CPNE4: variants seen among roughly 807,000 people sequenced by gnomAD.
CPNE4 encodes the protein copine 4, also known as copine-4.
Under a neutral mutation model 67.9 loss-of-function variants are expected in CPNE4, and 25 were observed. The ratio of observed to expected loss-of-function variants is 0.37; its 90% CI spans 0.27 to 0.51. The LOEUF is 0.51. CPNE4 is among the 20% of genes least tolerant of loss of function. The probability of loss-of-function intolerance (pLI) is 0.93; values close to 1 mark genes in which losing one functional copy is unlikely to be tolerated. For missense variants in CPNE4, 464 were observed against 690.8 expected (o/e 0.67, Z 3.68); for synonymous variants, 242 against 244.9 (o/e 0.99, Z 0.11).
chr3:131,918,588 CA>C (rs1198671569), intron 1 of CPNE4, among the ~76,000 whole-genome samples: 2 of 151,592 alleles, frequency 1.3e-5, no homozygotes, highest in African/African-American at 4.8e-5. Context: ...AACAAATAAG[CA>C]AAAAAAACCA....
intron 2 of CPNE4, among the ~76,000 whole-genome samples, chr3:131,825,852 A>G (rs1583276468): frequency 6.6e-6 from 1 of 152,206 alleles, no homozygotes; most frequent in East Asian, 1.9e-4. Flanking sequence ...AGGTCAGAAT[A>G]AAAGGAAAAC....
At chr3:131,808,235 T>C (rs184869120) in intron 2 of CPNE4, among the ~76,000 whole-genome samples, 2 of 152,254 alleles carry the variant, frequency 1.3e-5, no homozygotes, top group Non-Finnish European at 2.9e-5. Flanking sequence ...AAAATCCCAC[T>C]CACTGTTAAG....
chr3:131,831,101 T>G (rs73203819), intron 2 of CPNE4, among the ~76,000 whole-genome samples: 11,331 of 152,056 alleles, frequency 0.075, 574 homozygotes, highest in East Asian at 0.17. Context: ...AGGTAGTTCA[T>G]CTAGTATATA....
At chr3:132,005,070 A>G (rs1275488582) in intron 1 of CPNE4, among the ~76,000 whole-genome samples, 1 of 151,754 alleles carries the variant, frequency 6.6e-6, no homozygotes, top group Non-Finnish European at 1.5e-5. Context: ...GTGGCTCTTC[A>G]ATGACAGGTA....
At chr3:131,876,234 G>A (rs1399943034) in intron 2 of CPNE4, among the ~76,000 whole-genome samples, 1 of 125,718 alleles carries the variant, frequency 8.0e-6, no homozygotes, top group East Asian at 2.4e-4. Context: ...GCAAGACTCG[G>A]TCTCAAAATA....
At chr3:131,559,175 T>C (rs886334155) in intron 11 of CPNE4, among the ~76,000 whole-genome samples, 2 of 152,080 alleles carry the variant, frequency 1.3e-5, no homozygotes, top group African/African-American at 2.4e-5. Context: ...TGATGTCAGC[T>C]GGTAGTTCAT....
chr3:131,595,452 T>C (rs1938786265), intron 7 of CPNE4, among the ~76,000 whole-genome samples: 1 of 152,214 alleles, frequency 6.6e-6, no homozygotes, highest in South Asian at 2.1e-4. Flanking sequence ...CTTACATCAT[T>C]ATACTTGAGC....
intron 2 of CPNE4, among the ~76,000 whole-genome samples, chr3:131,731,390 C>A (rs1425832382): frequency 6.6e-6 from 1 of 152,176 alleles, no homozygotes; most frequent in Non-Finnish European, 1.5e-5. Context: ...TCTGGGTCTT[C>A]CCCTTCCTTC....
intron 1 of CPNE4, among the ~76,000 whole-genome samples, chr3:131,933,600 A>C (rs190721977): frequency 7.9e-5 from 12 of 152,296 alleles, no homozygotes; most frequent in African/African-American, 2.9e-4. Context: ...AGCATTATTA[A>C]CAGTAGCCAA....
chr3:131,839,068 A>G (rs1437071691), intron 2 of CPNE4, among the ~76,000 whole-genome samples: 1 of 152,028 alleles, frequency 6.6e-6, no homozygotes, highest in Non-Finnish European at 1.5e-5. Flanking sequence ...CAATCTTGTA[A>G]TATGTATCAA....
At chr3:131,727,782 A>G (rs2082035776) in intron 2 of CPNE4, among the ~76,000 whole-genome samples, 2 of 152,190 alleles carry the variant, frequency 1.3e-5, no homozygotes, top group African/African-American at 4.8e-5. Context: ...TTCCCAAGAA[A>G]CTACTGATCT....
intron 14 of CPNE4, among the ~76,000 whole-genome samples, chr3:131,545,725 A>G (rs1055668769): frequency 6.6e-6 from 1 of 152,204 alleles, no homozygotes; most frequent in Non-Finnish European, 1.5e-5. Flanking sequence ...CTGCATTTCA[A>G]TATAATTGGT....
chr3:132,037,477 T>G, upstream of CPNE4: 1 of 997,152 alleles, frequency 1.0e-6, no homozygotes, highest in Non-Finnish European at 1.5e-6. Flanking sequence ...TTTCAATCAC[T>G]GCCCCCACAG....
chr3:131,666,990 T>C lies in CPNE4; in HGVS notation c.681+2685A>G, dbSNP rs190192476. Reference sequence around the variant, plus strand: ...TGGCATTAAGGAAGTATAGTTAGCATTCTTAAGAATAATGTTTTATAGTTT... The same window carrying C: ...TGGCATTAAGGAAGTATAGTTAGCACTCTTAAGAATAATGTTTTATAGTTT... On this transcript the variant is annotated intron_variant, in intron 7 of 15. Transcript: ENST00000429747. Among the ~76,000 whole-genome samples the C allele has an allele frequency of 2.1e-3, 324 of 152,334 alleles. 2 individuals carry two copies. The highest frequency in any genetic ancestry group is 7.6e-3 in the African/African-American group (316 of 41,590).
At chr3:131,992,439 C>T (rs1252572028) in intron 1 of CPNE4, among the ~76,000 whole-genome samples, 1 of 136,500 alleles carries the variant, frequency 7.3e-6, no homozygotes, top group African/African-American at 2.5e-5. Flanking sequence ...TTTGTTTTGG[C>T]CAATTTCTCC....
upstream of CPNE4, chr3:132,037,761 G>A: frequency 1.6e-6 from 1 of 608,800 alleles, no homozygotes; most frequent in Non-Finnish European, 2.9e-6. Context: ...ATGCCAATAT[G>A]AAAGGCATCT....
intron 2 of CPNE4, among the ~76,000 whole-genome samples, chr3:131,765,796 A>G (rs2082997607): frequency 6.6e-6 from 1 of 152,118 alleles, no homozygotes; most frequent in East Asian, 1.9e-4. Context: ...GGATCGCTAC[A>G]TCACCAAGAA....
chr3:132,038,248 A>C (rs931631605), upstream of CPNE4, among the ~76,000 whole-genome samples: 2 of 152,128 alleles, frequency 1.3e-5, no homozygotes, highest in Non-Finnish European at 1.5e-5. Context: ...CACTCTAAGA[A>C]AGCACTTTTT....
chr3:131,568,759 T>G (rs1254839501), intron 10 of CPNE4, among the ~76,000 whole-genome samples: 2 of 152,164 alleles, frequency 1.3e-5, no homozygotes, highest in Non-Finnish European at 2.9e-5. Flanking sequence ...AGCATCTTTC[T>G]TTGGGCATTT....
Sources: gnomAD v4.1 joint callset for allele counts (sites outside exome capture counted in the v4.1 genomes callset) on GRCh38, gnomAD v4.1.1 for gene constraint, MANE v1.5 for transcripts, NCBI Gene and HGNC (gene_info 2026-07-23, HGNC 2026-07-21) for gene names.